The following CNTLN variants were observed in gnomAD, a reference collection of about 807,000 sequenced individuals.
The protein encoded by CNTLN is centlein, centrosomal protein.
In CNTLN, 212 loss-of-function variants were observed where a neutral mutation model predicts 180.0. The observed-to-expected ratio is 1.18, with a 90% confidence interval of 1.05 to 1.32. The LOEUF is 1.32. Ranked by LOEUF, CNTLN falls within the 40% of genes most tolerant of loss-of-function variation. The probability of loss-of-function intolerance (pLI) is 0.00; values close to 1 mark genes in which losing one functional copy is unlikely to be tolerated. For synonymous variants in CNTLN, 722 were observed against 563.1 expected, an observed-to-expected ratio of 1.28 and a Z score of -3.99; for missense variants, 2,095 against 1,610.9, an observed-to-expected ratio of 1.30 and a Z score of -5.14.
chr9:17,522,294 G>A, the CNTLN span, among the ~76,000 whole-genome samples: 1 of 152,108 alleles, frequency 6.6e-6, no homozygotes, highest in African/African-American at 2.4e-5. Flanking sequence ...CGATTGTCGA[G>A]CTGTGTATCA....
At chr9:17,476,975 T>G (rs550849848) in intron 23 of CNTLN, among the ~76,000 whole-genome samples, 1 of 152,320 alleles carries the variant, frequency 6.6e-6, no homozygotes, top group South Asian at 2.1e-4. Context: ...AAGAACGGGC[T>G]GAGTCTCTTG....
At chr9:17,150,102 C>T (rs986612814) in intron 2 of CNTLN, among the ~76,000 whole-genome samples, 7 of 152,106 alleles carry the variant, frequency 4.6e-5, no homozygotes, top group African/African-American at 1.4e-4. Context: ...CTATAGGTTG[C>T]CTGTTCACTC....
At chr9:17,343,877 C>T (rs1587715766) in intron 12 of CNTLN, among the ~76,000 whole-genome samples, 1 of 152,278 alleles carries the variant, frequency 6.6e-6, no homozygotes, top group African/African-American at 2.4e-5. Context: ...AACTACTAAT[C>T]TTCTTCCTGT....
At chr9:17,528,617 T>C in the CNTLN span, among the ~76,000 whole-genome samples, 6 of 152,254 alleles carry the variant, frequency 3.9e-5, no homozygotes, top group Non-Finnish European at 8.8e-5. Context: ...AAACTATGGA[T>C]GTTGGTTAAT....
chr9:17,428,269 G>A (rs1208692784), intron 18 of CNTLN, among the ~76,000 whole-genome samples: 1 of 151,920 alleles, frequency 6.6e-6, no homozygotes, highest in Non-Finnish European at 1.5e-5. Context: ...AAATATTAAT[G>A]GGGAAAAGTT....
intron 8 of CNTLN, among the ~76,000 whole-genome samples, chr9:17,322,217 C>G (rs1254427814): frequency 2.6e-5 from 4 of 151,944 alleles, no homozygotes; most frequent in Non-Finnish European, 5.9e-5. Context: ...GAGAGAACAA[C>G]TTAGCAGTAA....
intron 6 of CNTLN, among the ~76,000 whole-genome samples, chr9:17,275,309 C>A (rs1198118698): frequency 1.3e-5 from 2 of 151,866 alleles, no homozygotes; most frequent in African/African-American, 4.8e-5. Flanking sequence ...TAATTCCCAC[C>A]CATTTATTGT....
intron 18 of CNTLN, among the ~76,000 whole-genome samples, chr9:17,449,515 G>C (rs1298418049): frequency 6.6e-6 from 1 of 150,702 alleles, no homozygotes; most frequent in East Asian, 1.9e-4. Context: ...AAAAAAAAAA[G>C]AGAGAGCTTT....
At chr9:17,507,857 A>C (rs1030990414), downstream of CNTLN, among the ~76,000 whole-genome samples, 1 of 152,188 alleles carries the variant, frequency 6.6e-6, no homozygotes, top group African/African-American at 2.4e-5. Flanking sequence ...CTACAAAACC[A>C]GAGTTTTGAC....
chr9:17,259,532 A>G (rs2132348219), intron 5 of CNTLN, among the ~76,000 whole-genome samples: 1 of 150,168 alleles, frequency 6.7e-6, no homozygotes, highest in East Asian at 2.0e-4. Flanking sequence ...ATTGATTGGA[A>G]TAGTTTCAGA....
intron 6 of CNTLN, among the ~76,000 whole-genome samples, chr9:17,295,249 G>T (rs1314620530): frequency 1.3e-5 from 2 of 152,132 alleles, no homozygotes; most frequent in African/African-American, 4.8e-5. Context: ...GCCGGCTCTG[G>T]CCTTGGCCAG....
intron 2 of CNTLN, among the ~76,000 whole-genome samples, chr9:17,181,840 A>T (rs1239559968): frequency 6.6e-6 from 1 of 152,148 alleles, no homozygotes; most frequent in African/African-American, 2.4e-5. Context: ...ATGCCACCCT[A>T]GGTGGAAGGG....
At position 17,164,457 on chromosome 9, in the gene CNTLN, G is replaced by GTTTT. The variant is rs772109564; in HGVS notation, c.449+21103_449+21106dup. Among the ~76,000 whole-genome samples, 583 of 68,462 alleles carry GTTTT rather than the reference G, an allele frequency of 8.5e-3. 12 individuals are homozygous for GTTTT. Among genetic ancestry groups the GTTTT allele is most frequent in the East Asian group, 0.038 (69 of 1,816 alleles). 44.9% of individuals were successfully genotyped at this position (68,462 alleles called of 152,430 possible). A position where few individuals can be genotyped will look rare whatever the true frequency, so the allele number is the denominator to read the frequency against. On this transcript the variant is annotated intron_variant, in intron 2 of 25. Coordinates refer to ENST00000380647, the MANE Select transcript of CNTLN (RefSeq NM_017738.4). ...AATCTATAGAACTCCTTATTTTTAT[G>GTTTT]TTTTTTTTTTTTTTTTTTTTTTTTT...
chr9:17,355,548 GTTGTTTAA>G (rs1490169427), intron 12 of CNTLN, among the ~76,000 whole-genome samples: 1 of 152,074 alleles, frequency 6.6e-6, no homozygotes, highest in Non-Finnish European at 1.5e-5. Context: ...TTTTTCTGTA[GTTGTTTAA>G]TAGTTTTAAC....
intron 5 of CNTLN, among the ~76,000 whole-genome samples, chr9:17,252,441 A>G (rs1013782857): frequency 6.8e-6 from 1 of 147,100 alleles, no homozygotes; most frequent in Non-Finnish European, 1.5e-5. Flanking sequence ...AGTCATTCGA[A>G]CTAGGATGAC....
At chr9:17,287,481 G>T (rs996762692) in intron 6 of CNTLN, among the ~76,000 whole-genome samples, 2 of 150,886 alleles carry the variant, frequency 1.3e-5, no homozygotes, top group Non-Finnish European at 3.0e-5. Context: ...TTTTGGTTGT[G>T]TCTCTGCCCG....
chr9:17,366,364 G>A (rs980625374), intron 12 of CNTLN, among the ~76,000 whole-genome samples: 1 of 151,980 alleles, frequency 6.6e-6, no homozygotes, highest in Non-Finnish European at 1.5e-5. Context: ...GGCTGGTCTT[G>A]AACTTCTAGT....
At chr9:17,191,433 G>C (rs959554485) in intron 2 of CNTLN, among the ~76,000 whole-genome samples, 2 of 152,186 alleles carry the variant, frequency 1.3e-5, no homozygotes, top group African/African-American at 2.4e-5. Context: ...CAGTGCCCCT[G>C]TGTGTCTGCT....
intron 2 of CNTLN, 91 bp downstream of exon 2, chr9:17,143,467 A>G (rs1818244623): frequency 1.1e-6 from 1 of 877,204 alleles, no homozygotes. Context: ...TTAATCTCCT[A>G]AAGAGATTCA....
Sources: gnomAD v4.1 joint callset for allele counts (sites outside exome capture counted in the v4.1 genomes callset) on GRCh38, gnomAD v4.1.1 for gene constraint, MANE v1.5 for transcripts, NCBI Gene and HGNC (gene_info 2026-07-23, HGNC 2026-07-21) for gene names.